ADAMTS3: variants seen among roughly 807,000 people sequenced by gnomAD.
ADAMTS3 encodes A disintegrin and metalloproteinase with thrombospondin motifs 3.
In ADAMTS3, 73 loss-of-function variants were observed where a neutral mutation model predicts 129.0. That is an observed-to-expected ratio of 0.57 (90% CI 0.47 to 0.69). The LOEUF (loss-of-function observed/expected upper bound fraction) is 0.69. ADAMTS3 is among the 30% of genes least tolerant of loss of function. ADAMTS3 has a pLI of 0.00. For synonymous variants in ADAMTS3, 477 were observed against 510.8 expected (o/e 0.93, Z 0.89); for missense variants, 1,457 against 1,514.5 (o/e 0.96, Z 0.63).
intron 3 of ADAMTS3, among the ~76,000 whole-genome samples, chr4:72,457,096 G>T (rs913480919): frequency 6.6e-6 from 1 of 151,564 alleles, no homozygotes; most frequent in African/African-American, 2.4e-5. Context: ...AATACCACAT[G>T]AAATAAAGAT....
chr4:72,550,097 G>A (rs1721605413), intron 2 of ADAMTS3, among the ~76,000 whole-genome samples: 1 of 131,180 alleles, frequency 7.6e-6, no homozygotes, highest in South Asian at 2.7e-4. Flanking sequence ...AGAAGAAGAA[G>A]AAGAAGAAGA....
chr4:72,349,909 C>G (rs1720384189), intron 4 of ADAMTS3, among the ~76,000 whole-genome samples: 1 of 151,946 alleles, frequency 6.6e-6, no homozygotes. Context: ...TAATACTGAT[C>G]AAACAGTTTT....
chr4:72,304,033 C>T lies in ADAMTS3; in HGVS notation c.2308G>A (p.Glu770Lys). 6.2e-7 allele frequency: 1 copy of T among 1,613,708 alleles called. No homozygotes were observed. The highest frequency in any genetic ancestry group is 8.5e-7 in the Non-Finnish European group (1 of 1,179,710). Residue 770 changes from glutamate to lysine, a missense_variant, in exon 17 of 22, where the codon GAG becomes AAG. Glu to Lys is a moderately conservative substitution (Grantham distance 56). Coordinates refer to ENST00000286657, the MANE Select transcript of ADAMTS3 (RefSeq NM_014243.3). ...ATGAAGGTCCGCGACTTGGCTTCCTCCCCTTTGCCATTTAAAATATAATGG... is the reference window on the plus strand; with the variant it reads ...ATGAAGGTCCGCGACTTGGCTTCCTTCCCTTTGCCATTTAAAATATAATGG... ...TGHYILNGKG[E>K]EAKSRTFIDL... is the part of the protein sequence containing the mutation.
At chr4:72,397,588 CACAAAG>C (rs961972517) in intron 4 of ADAMTS3, among the ~76,000 whole-genome samples, 2 of 149,888 alleles carry the variant, frequency 1.3e-5, no homozygotes, top group Non-Finnish European at 2.9e-5. Flanking sequence ...CACACACACA[CACAAAG>C]AAAGAAAAGT....
intron 3 of ADAMTS3, among the ~76,000 whole-genome samples, chr4:72,548,048 G>A (rs899238753): frequency 1.3e-5 from 2 of 152,166 alleles, no homozygotes; most frequent in African/African-American, 4.8e-5. Flanking sequence ...CTGTGAGGAA[G>A]CTAAAGAACA....
Position 72,309,468 on chromosome 4 carries a change from C to T in ADAMTS3, c.2108G>A (p.Gly703Asp), listed in dbSNP as rs766877196. The change falls in exon 15 of 22, where the codon GGT (glycine) becomes GAT (aspartate). Residue 703 changes from glycine to aspartate, a missense_variant. Gly to Asp is a moderately conservative substitution (Grantham distance 94). Coordinates refer to ENST00000286657, the MANE Select transcript of ADAMTS3 (RefSeq NM_014243.3). ...GTGGGAATTATCTCCTCCACAGACA[C>T]CACACTTATCCTCAACCTTATTAGA... ...IGSNKVEDKC[G>D]VCGGDNSHCR... 3 of 1,612,138 alleles carry T rather than the reference C, an allele frequency of 1.9e-6. No homozygotes were observed. The highest frequency in any genetic ancestry group is 2.5e-6 in the Non-Finnish European group (3 of 1,178,646).
rs868733550 is a variant in ADAMTS3, at chr4:72,530,401, G to T, written c.504+18077C>A. Among the ~76,000 whole-genome samples the T allele has an allele frequency of 2.3e-3, 152 of 65,660 alleles. 1 individual carries two copies. The highest frequency in any genetic ancestry group is 0.013 in the East Asian group (26 of 2,072). The allele number at this position is 65,660 out of a possible 152,430, so 43.1% of individuals were successfully genotyped here. On this transcript the variant is annotated intron_variant, in intron 3 of 21. Coordinates refer to ENST00000286657, the MANE Select transcript of ADAMTS3 (RefSeq NM_014243.3). ...TAATATATATTAAATTAACATATAT[G>T]AATTTAATATATAATATATATTAAA...
chr4:72,301,053 G>T (rs1046648887), intron 17 of ADAMTS3, among the ~76,000 whole-genome samples: 1 of 152,100 alleles, frequency 6.6e-6, no homozygotes, highest in Non-Finnish European at 1.5e-5. Flanking sequence ...AAGTTTGAGG[G>T]TAATTTGTTT....
chr4:72,444,487 T>A (rs994705838), intron 3 of ADAMTS3, among the ~76,000 whole-genome samples: 1 of 151,794 alleles, frequency 6.6e-6, no homozygotes, highest in Non-Finnish European at 1.5e-5. Flanking sequence ...CACATGTGAA[T>A]TTCTCTAACT....
intron 3 of ADAMTS3, among the ~76,000 whole-genome samples, chr4:72,430,639 T>A (rs1249441067): frequency 6.6e-6 from 1 of 152,036 alleles, no homozygotes; most frequent in South Asian, 2.1e-4. Flanking sequence ...TGTTGTTTTA[T>A]GCTCTAAGTT....
At chr4:72,559,737 A>G (rs1316264957) in intron 2 of ADAMTS3, among the ~76,000 whole-genome samples, 1 of 151,920 alleles carries the variant, frequency 6.6e-6, no homozygotes, top group East Asian at 1.9e-4. Context: ...AATGCTATGA[A>G]GTAAATAGTA....
intron 4 of ADAMTS3, among the ~76,000 whole-genome samples, chr4:72,388,394 T>A (rs751312788): frequency 3.4e-4 from 52 of 152,278 alleles, no homozygotes; most frequent in South Asian, 1.9e-3. Flanking sequence ...TCTTCCAAAG[T>A]CTGTCATCAA....
intron 3 of ADAMTS3, among the ~76,000 whole-genome samples, chr4:72,485,707 TAAC>T (rs1262025346): frequency 6.6e-6 from 1 of 152,178 alleles, no homozygotes; most frequent in Admixed American, 6.6e-5. Context: ...CTTCTAAATA[TAAC>T]AACTGCTATG....
At chr4:72,397,188 C>A (rs1457466914) in intron 4 of ADAMTS3, among the ~76,000 whole-genome samples, 1 of 152,140 alleles carries the variant, frequency 6.6e-6, no homozygotes, top group Non-Finnish European at 1.5e-5. Context: ...TAGTACATAA[C>A]TTCTGTGAGT....
At chr4:72,396,476 G>T (rs1721728021) in intron 4 of ADAMTS3, among the ~76,000 whole-genome samples, 2 of 152,178 alleles carry the variant, frequency 1.3e-5, no homozygotes, top group South Asian at 4.1e-4. Flanking sequence ...AAAAAGAAAT[G>T]ATGACACCCA....
intron 18 of ADAMTS3, among the ~76,000 whole-genome samples, chr4:72,296,347 AGG>A (rs1718808017): frequency 6.6e-6 from 1 of 152,088 alleles, no homozygotes; most frequent in Non-Finnish European, 1.5e-5. Context: ...TGCACGAGTT[AGG>A]GAAGGATCAG....
chr4:72,334,405 A>G (rs2109825965), intron 5 of ADAMTS3, among the ~76,000 whole-genome samples: 1 of 152,278 alleles, frequency 6.6e-6, no homozygotes, highest in East Asian at 1.9e-4. Context: ...CACACGGCAG[A>G]CACTTTTGGA....
chr4:72,408,702 A>G (rs1722110978), intron 4 of ADAMTS3, among the ~76,000 whole-genome samples: 1 of 20,736 alleles, frequency 4.8e-5, no homozygotes, highest in Admixed American at 1.1e-3. Context: ...TTGTACCTGG[A>G]AAAAAAAAAA....
chr4:72,509,760 C>T (rs552551977), intron 3 of ADAMTS3, among the ~76,000 whole-genome samples: 5 of 151,342 alleles, frequency 3.3e-5, no homozygotes, highest in Non-Finnish European at 7.4e-5. Context: ...CAAACTCATA[C>T]TACGAGGCTG....
Sources: allele counts gnomAD v4.1 joint callset (sites outside exome capture counted in the v4.1 genomes callset), GRCh38; gene constraint gnomAD v4.1.1; transcripts MANE v1.5; gene names NCBI Gene and HGNC (gene_info 2026-07-23, HGNC 2026-07-21).